Variants in DIDO1 observed in about 807,000 individuals in gnomAD.
DIDO1 encodes the protein death inducer-obliterator 1.
A neutral mutation model predicts 99.4 loss-of-function variants in DIDO1; 16 were observed. The ratio of observed to expected loss-of-function variants is 0.16; its 90% CI spans 0.11 to 0.24. DIDO1 has a LOEUF of 0.24. Among genes scored for constraint, DIDO1 ranks in the 10% least tolerant of loss-of-function variants. The pLI, the probability that DIDO1 is intolerant of heterozygous loss-of-function variation, is 1.00. For synonymous variants in DIDO1, 1,366 were observed against 1,239.1 expected (o/e 1.10, Z -2.15); for missense variants, 2,996 against 3,014.0 (o/e 0.99, Z 0.14).
At chr20:62,933,433 A>G (rs1234857733) in intron 1 of DIDO1, among the ~76,000 whole-genome samples, 4 of 152,248 alleles carry the variant, frequency 2.6e-5, no homozygotes, top group Non-Finnish European at 5.9e-5. Flanking sequence ...TGATTTGCCC[A>G]ATCTCTTTGA....
rs1347616018 is a variant in DIDO1, at chr20:62,879,967, G to T, written c.5989C>A (p.Pro1997Thr). 3.7e-6 allele frequency: 6 copies of T among 1,609,652 alleles called. No homozygotes were observed. Among genetic ancestry groups the T allele is most frequent in the Admixed American group, 3.4e-5 (2 of 59,076 alleles). ...GTCTGCTCATTTTTTTCAGAAAAGGGTGCGGACCCCCGTAGTCCACCAAAC... is the reference window on the plus strand; with the variant it reads ...GTCTGCTCATTTTTTTCAGAAAAGGTTGCGGACCCCCGTAGTCCACCAAAC... The part of the protein sequence containing the change: ...LQFGGLRGSA[P>T]FSEKNEQTPS... Residue 1997 changes from proline to threonine, a missense_variant, in exon 16 of 16, where the codon CCC becomes ACC. Coordinates refer to ENST00000395343, the MANE Select transcript of DIDO1 (RefSeq NM_001193369.2). The surrounding 1 kb of genome is among the most constrained non-coding windows in gnomAD (Gnocchi z 6.3).
chr20:62,890,831 C>T (rs1247401755), intron 15 of DIDO1, 129 bp downstream of exon 15: 4 of 1,565,796 alleles, frequency 2.6e-6, no homozygotes, highest in East Asian at 4.6e-5. Flanking sequence ...TTGCTAACCG[C>T]TGCGTCTGTG....
At chr20:62,882,831 G>A (rs1390129222) in intron 15 of DIDO1, among the ~76,000 whole-genome samples, 1 of 152,048 alleles carries the variant, frequency 6.6e-6, no homozygotes, top group East Asian at 1.9e-4. Flanking sequence ...GGGTGAAAAG[G>A]GCATTGTCGC....
In DIDO1 at chr20:62,896,781, C is replaced by G; in HGVS notation, c.1804G>C (p.Ala602Pro). 1 of 1,614,080 alleles carries G rather than the reference C, an allele frequency of 6.2e-7. No individual in the cohort carries two copies. The highest frequency in any genetic ancestry group is 8.5e-7 in the Non-Finnish European group (1 of 1,180,026). ...GTIPKRPWLS[A>P]TPSSGASAAR... ...GCTGAAGCACCACTCGATGGGGTAG[C>G]GGAGAGCCATGGCCTCTTGGGGATG... is the stretch of plus-strand genomic sequence containing the variant. The change falls in exon 7 of 16, where the codon GCT (alanine) becomes CCT (proline). Residue 602 changes from alanine (A) to proline (P), a missense_variant. This residue lies in a region of DIDO1 where 898 missense variants were observed against 972.7 expected (regional missense o/e 0.92). Coordinates refer to ENST00000395343, the MANE Select transcript of DIDO1 (RefSeq NM_001193369.2). This position sits in a 1 kb window ranked among gnomAD's most constrained non-coding sequence, Gnocchi z 4.4.
At chr20:62,921,196 G>C (rs2065130360) in intron 1 of DIDO1, among the ~76,000 whole-genome samples, 1 of 152,128 alleles carries the variant, frequency 6.6e-6, no homozygotes, top group South Asian at 2.1e-4. Flanking sequence ...GTGCCCGGCT[G>C]GTTTCCAATT....
Position 62,881,040 on chromosome 20 carries a change from C to T in DIDO1, c.4916G>A (p.Gly1639Glu), listed in dbSNP as rs1191809614. 6.2e-7 allele frequency: 1 copy of T among 1,604,778 alleles called. No homozygotes were observed. The highest frequency in any genetic ancestry group is 8.5e-7 in the Non-Finnish European group (1 of 1,178,232). Residue 1639 changes from glycine to glutamate, a missense_variant, in exon 16 of 16, where the codon GGG (glycine) becomes GAG (glutamate). Gly to Glu is a moderately conservative substitution (Grantham distance 98). Coordinates refer to ENST00000395343, the MANE Select transcript of DIDO1 (RefSeq NM_001193369.2). This position sits in a 1 kb window ranked among gnomAD's most constrained non-coding sequence, Gnocchi z 8.3. ...SEQDGWKAEP[G>E]EGTRPATVGD... ...AACCGTGGCGGGGCGGGTGCCCTCC[C>T]CAGGCTCTGCCTTCCAGCCGTCCTG... is the stretch of plus-strand genomic sequence containing the variant.
At position 62,896,334 on chromosome 20, in the gene DIDO1, G is replaced by A. The variant is rs762066705; in HGVS notation, c.2113C>T (p.His705Tyr). 6.2e-7 allele frequency: 1 copy of A among 1,614,024 alleles called. No homozygotes were observed. The highest frequency in any genetic ancestry group is 1.7e-5 in the Admixed American group (1 of 60,014). ...TENEVGKIAL[H>Y]IEKEMFNLFQ... The stretch of plus-strand genomic sequence containing the variant: ...AAGTTAAACATCTCCTTCTCAATAT[G>A]GAGGGCAATTTTTCCTACTTCGTTT... Residue 705 changes from histidine (H) to tyrosine (Y), a missense_variant, in exon 8 of 16, where the codon CAT (histidine) becomes TAT (tyrosine). By Grantham distance (83) the His-to-Tyr change is moderately conservative. This residue lies in a region of DIDO1 where 898 missense variants were observed against 972.7 expected (regional missense o/e 0.92). Coordinates refer to ENST00000395343, the MANE Select transcript of DIDO1 (RefSeq NM_001193369.2). The surrounding 1 kb of genome is among the most constrained non-coding windows in gnomAD (Gnocchi z 4.4).
At chr20:62,913,221 G>C (rs1415312684) in intron 2 of DIDO1, among the ~76,000 whole-genome samples, 1 of 152,022 alleles carries the variant, frequency 6.6e-6, no homozygotes, top group Non-Finnish European at 1.5e-5. Context: ...AAGCCTTGGA[G>C]ATAAGGGACA....
rs574536133 is a variant in DIDO1 at position 62,881,709 on chromosome 20, G to A, written c.4247C>T (p.Ala1416Val). Residue 1416 changes from alanine to valine, a missense_variant, in exon 16 of 16, where the codon GCA becomes GTA. This residue lies in a region of DIDO1 where 1,562 missense variants were observed against 1,412.6 expected (regional missense o/e 1.11). Transcript: ENST00000395343. The surrounding 1 kb of genome is among the most constrained non-coding windows in gnomAD (Gnocchi z 8.3). ...RRHEVERAPEAAAAEREEVAY... is the reference protein window; with the variant it reads ...RRHEVERAPEVAAAEREEVAY... ...CACCTCTTCCCGCTCGGCTGCAGCT[G>A]CTTCAGGAGCCCTTTCCACCTCGTG... 10 of 1,612,946 alleles carry A rather than the reference G, an allele frequency of 6.2e-6. No individual in the cohort carries two copies. In the African/African-American group the frequency reaches 1.3e-4, roughly 21 times the overall value.
At position 62,882,335 on chromosome 20, in the gene DIDO1, C is replaced by T; in HGVS notation, c.3621G>A (p.Glu1207=). ...QKIKRPANSG[E]LDKMDEKRTR... ...TCCGCTTTTCGTCCATCTTGTCTAA[C>T]TCTCCACTGTTTGCGGGACGTTTGA... Residue 1207 remains glutamate, a synonymous_variant, in exon 16 of 16, where the codon GAG becomes GAA. Coordinates refer to ENST00000395343, the MANE Select transcript of DIDO1 (RefSeq NM_001193369.2). 1 of 1,614,058 alleles carries T rather than the reference C, an allele frequency of 6.2e-7. No individual in the cohort carries two copies. The highest frequency in any genetic ancestry group is 8.5e-7 in the Non-Finnish European group (1 of 1,180,032).
At chr20:62,929,866 T>C (rs1444781431), upstream of DIDO1, among the ~76,000 whole-genome samples, 1 of 151,148 alleles carries the variant, frequency 6.6e-6, no homozygotes. Context: ...TGCTAAAAGG[T>C]GTCACAATCA....
In DIDO1 at chr20:62,878,872, T is replaced by C. The variant is rs1355013565; in HGVS notation, c.*361A>G. ...GGCTAAGACCTGTAAAAGCAGCTTT[T>C]GGAAACACAAACGGATGAGATGTCA... On this transcript the variant is annotated 3_prime_UTR_variant, in exon 16 of 16. Transcript: ENST00000395343. The C allele has an allele frequency of 5.6e-6, 1 of 177,334 alleles. No homozygotes were observed. Among genetic ancestry groups the C allele is most frequent in the African/African-American group, 2.4e-5 (1 of 42,388 alleles). The allele number at this position is 177,334 out of a possible 1,614,324, so 11.0% of individuals were successfully genotyped here. A position where few individuals can be genotyped will look rare whatever the true frequency, so the allele number is the denominator to read the frequency against.
intron 15 of DIDO1, chr20:62,890,383 T>G: frequency 3.0e-6 from 3 of 987,280 alleles, no homozygotes; most frequent in Non-Finnish European, 2.4e-6. Context: ...AGGCTATTTG[T>G]AAATAATCGT....
chr20:62,896,364 T>C lies in DIDO1; in HGVS notation c.2083A>G (p.Thr695Ala), dbSNP rs2064521515. The change falls in exon 8 of 16, where the codon ACA (threonine) becomes GCA (alanine). Residue 695 changes from threonine to alanine, a missense_variant. Physicochemically the swap from Thr to Ala is moderately conservative, Grantham distance 58. This residue lies in a region of DIDO1 where 898 missense variants were observed against 972.7 expected (regional missense o/e 0.92). Transcript: ENST00000395343. The surrounding 1 kb of genome is among the most constrained non-coding windows in gnomAD (Gnocchi z 4.4). ...GCAATTTTTCCTACTTCGTTTTCTGTCATGATTAAGTCATCGCTGTCATTG... is the reference window on the plus strand; with the variant it reads ...GCAATTTTTCCTACTTCGTTTTCTGCCATGATTAAGTCATCGCTGTCATTG... ...RVNDSDDLIM[T>A]ENEVGKIALH... is the part of the protein sequence containing the mutation. The C allele has an allele frequency of 6.2e-7, 1 of 1,614,118 alleles. No individual in the cohort carries two copies. Among genetic ancestry groups the C allele is most frequent in the Non-Finnish European group, 8.5e-7 (1 of 1,180,032 alleles).
chr20:62,879,983 T>C lies in DIDO1; in HGVS notation c.5973A>G (p.Gly1991=), dbSNP rs116106515. 175 of 1,611,654 alleles carry C rather than the reference T, an allele frequency of 1.1e-4. No individual in the cohort carries two copies. The African/African-American group carries it at 2.1e-3, about 20-fold the overall frequency. Residue 1991 remains glycine (G), a synonymous_variant, in exon 16 of 16, where the codon GGA becomes GGG. Transcript: ENST00000395343. This position sits in a 1 kb window ranked among gnomAD's most constrained non-coding sequence, Gnocchi z 6.3. ...QRAPAPLQFG[G]LRGSAPFSEK... ...CAGAAAAGGGTGCGGACCCCCGTAG[T>C]CCACCAAACTGCAGGGGTGCAGGCG... is the stretch of plus-strand genomic sequence containing the variant.
At position 62,879,331 on chromosome 20, in the gene DIDO1, G is replaced by A. The variant is rs2064155037; in HGVS notation, c.6625C>T (p.Arg2209Cys). Residue 2209 changes from arginine to cysteine, a missense_variant, in exon 16 of 16, where the codon CGC (arginine) becomes TGC (cysteine). By Grantham distance (180) the Arg-to-Cys change is radical (BLOSUM62 -3). Coordinates refer to ENST00000395343, the MANE Select transcript of DIDO1 (RefSeq NM_001193369.2). This position sits in a 1 kb window ranked among gnomAD's most constrained non-coding sequence, Gnocchi z 6.3. Reference protein sequence around the residue: ...RDKARDRERGRDRKDRSKSKE... With the variant: ...RDKARDRERGCDRKDRSKSKE... ...CTCTTGCTCCGGTCCTTGCGGTCGC[G>A]GCCCCGCTCCCTGTCCCTGGCCTTG... 1.9e-6 allele frequency: 3 copies of A among 1,558,858 alleles called. No individual in the cohort carries two copies. Among genetic ancestry groups the A allele is most frequent in the Non-Finnish European group, 1.7e-6 (2 of 1,153,916 alleles).
upstream of DIDO1, among the ~76,000 whole-genome samples, chr20:62,927,056 A>G (rs528726044): frequency 2.2e-5 from 2 of 89,610 alleles, no homozygotes; most frequent in African/African-American, 1.7e-4. Flanking sequence ...CAACTTGAAG[A>G]CCCTACCTGC....
chr20:62,884,200 A>G (rs886599117), intron 15 of DIDO1, among the ~76,000 whole-genome samples: 1 of 96,986 alleles, frequency 1.0e-5, no homozygotes, highest in Non-Finnish European at 2.6e-5. Context: ...GCACAGTATT[A>G]GTTTAAAAAA....
rs771113681 is a variant in DIDO1, at chr20:62,880,722, C to A, written c.5234G>T (p.Gly1745Val). The A allele has an allele frequency of 2.5e-6, 4 of 1,612,546 alleles. No individual in the cohort carries two copies. In the African/African-American group the frequency reaches 5.3e-5, roughly 22 times the overall value. ...PLPPPGQKVG[G>V]SQPPFQGQRE... ...CTGACCCTGAAACGGGGGCTGAGAGCCCCCCACTTTCTGTCCTGGTGGGGG... is the reference window on the plus strand; with the variant it reads ...CTGACCCTGAAACGGGGGCTGAGAGACCCCCACTTTCTGTCCTGGTGGGGG... The change falls in exon 16 of 16, where the codon GGC (glycine) becomes GTC (valine). Residue 1745 changes from glycine to valine, a missense_variant. This residue lies in a region of DIDO1 where 1,562 missense variants were observed against 1,412.6 expected (regional missense o/e 1.11). Transcript: ENST00000395343.
Sources: gnomAD v4.1 joint callset for allele counts (sites outside exome capture counted in the v4.1 genomes callset) on GRCh38, gnomAD v4.1.1 for gene constraint, gnomAD v4.1.1 regional missense constraint, Gnocchi (gnomAD v3.1) non-coding constraint, MANE v1.5 for transcripts, NCBI Gene and HGNC (gene_info 2026-07-23, HGNC 2026-07-21) for gene names.